SGCZ: variants seen among roughly 807,000 people sequenced by gnomAD.
The protein encoded by SGCZ is zeta-sarcoglycan.
A neutral mutation model predicts 41.3 loss-of-function variants in SGCZ; 40 were observed. The observed-to-expected ratio is 0.97, with a 90% CI of 0.75 to 1.26. The LOEUF is 1.26. Among genes scored for constraint, SGCZ ranks in the 50% most tolerant of loss-of-function variants. The probability of loss-of-function intolerance (pLI) is 0.00; values close to 1 mark genes in which losing one functional copy is unlikely to be tolerated. For synonymous variants in SGCZ, 206 were observed against 137.5 expected (o/e 1.50, Z -3.49); for missense variants, 552 against 369.8 (o/e 1.49, Z -4.04).
intron 2 of SGCZ, among the ~76,000 whole-genome samples, chr8:14,349,271 T>G (rs745556345): frequency 6.6e-6 from 1 of 152,158 alleles, no homozygotes; most frequent in Non-Finnish European, 1.5e-5. Context: ...CAATTCCCTT[T>G]TTCTCCCAAC....
At chr8:14,601,482 T>C (rs1805587408) in intron 1 of SGCZ, among the ~76,000 whole-genome samples, 1 of 152,126 alleles carries the variant, frequency 6.6e-6, no homozygotes, top group Non-Finnish European at 1.5e-5. Context: ...AAAATAAATA[T>C]TCAAAAGAAT....
chr8:14,583,471 T>C (rs1207541038), intron 1 of SGCZ, among the ~76,000 whole-genome samples: 2 of 152,078 alleles, frequency 1.3e-5, no homozygotes, highest in African/African-American at 2.4e-5. Context: ...TTCACTCTGA[T>C]GGTAGTTTCT....
intron 2 of SGCZ, among the ~76,000 whole-genome samples, chr8:14,489,370 TC>T (rs1482057777): frequency 6.6e-6 from 1 of 151,996 alleles, no homozygotes; most frequent in Non-Finnish European, 1.5e-5. Flanking sequence ...TTAAGGACGT[TC>T]TTTCTTCTTA....
chr8:14,441,318 C>A (rs761563593), intron 2 of SGCZ, among the ~76,000 whole-genome samples: 1 of 152,100 alleles, frequency 6.6e-6, no homozygotes, highest in Non-Finnish European at 1.5e-5. Context: ...GGCTCACGCC[C>A]GTAATCCCAG....
intron 2 of SGCZ, among the ~76,000 whole-genome samples, chr8:14,477,744 C>T (rs916562765): frequency 8.5e-5 from 13 of 152,130 alleles, no homozygotes; most frequent in Admixed American, 7.2e-4. Flanking sequence ...TAAGTTCACA[C>T]ATGTAAAAGA....
intron 2 of SGCZ, among the ~76,000 whole-genome samples, chr8:14,477,251 G>T (rs1470604519): frequency 6.6e-6 from 1 of 151,990 alleles, no homozygotes; most frequent in Admixed American, 6.6e-5. Context: ...TATTAATAAG[G>T]AGAAGGCTGT....
chr8:14,450,296 A>G (rs1158186893), intron 2 of SGCZ, among the ~76,000 whole-genome samples: 1 of 150,468 alleles, frequency 6.6e-6, no homozygotes. Flanking sequence ...AAACACTCTC[A>G]TGAATTCCTA....
intron 3 of SGCZ, among the ~76,000 whole-genome samples, chr8:14,262,677 A>G (rs1256244671): frequency 6.6e-6 from 1 of 151,942 alleles, no homozygotes; most frequent in Non-Finnish European, 1.5e-5. Context: ...ATCGAGCTTT[A>G]AAACTTCAAG....
intron 2 of SGCZ, among the ~76,000 whole-genome samples, chr8:14,484,999 T>G (rs1402456764): frequency 2.0e-5 from 3 of 152,200 alleles, no homozygotes; most frequent in Non-Finnish European, 4.4e-5. Context: ...GCTCACACAC[T>G]GTAAGTATTT....
intron 4 of SGCZ, among the ~76,000 whole-genome samples, chr8:14,179,411 G>T (rs139058867): frequency 6.6e-6 from 1 of 152,082 alleles, no homozygotes; most frequent in Non-Finnish European, 1.5e-5. Flanking sequence ...AGACCAGTTC[G>T]CCTTTGCTTA....
chr8:14,645,748 T>G (rs1807193037), intron 1 of SGCZ, among the ~76,000 whole-genome samples: 1 of 151,576 alleles, frequency 6.6e-6, no homozygotes, highest in Non-Finnish European at 1.5e-5. Flanking sequence ...TTGTAAATTT[T>G]TACGTAGTAA....
intron 1 of SGCZ, among the ~76,000 whole-genome samples, chr8:14,995,375 G>C (rs537794674): frequency 2.5e-4 from 38 of 152,322 alleles, no homozygotes; most frequent in African/African-American, 9.1e-4. Flanking sequence ...TCCATTAATG[G>C]TTGGTTAGGT....
chr8:15,114,097 G>C (rs867560057), intron 1 of SGCZ, among the ~76,000 whole-genome samples: 3 of 152,208 alleles, frequency 2.0e-5, no homozygotes, highest in Middle Eastern at 3.4e-3. Context: ...CATTTAATTT[G>C]CTTAATTCTA....
At chr8:14,834,943 A>G (rs1031661435) in intron 1 of SGCZ, among the ~76,000 whole-genome samples, 8 of 152,196 alleles carry the variant, frequency 5.3e-5, no homozygotes, top group Non-Finnish European at 8.8e-5. Flanking sequence ...GAACTACGAT[A>G]ATGCAACAGA....
At chr8:14,213,443 A>G (rs1345541266) in intron 4 of SGCZ, among the ~76,000 whole-genome samples, 1 of 152,150 alleles carries the variant, frequency 6.6e-6, no homozygotes, top group Non-Finnish European at 1.5e-5. Context: ...CAATTTCTAT[A>G]TTTGGTAAAA....
intron 2 of SGCZ, among the ~76,000 whole-genome samples, chr8:14,537,429 G>C (rs905175464): frequency 6.6e-6 from 1 of 151,890 alleles, no homozygotes; most frequent in Non-Finnish European, 1.5e-5. Flanking sequence ...AAACAAGACA[G>C]AGAAAAATAA....
At chr8:14,509,745 C>G (rs944454426) in intron 2 of SGCZ, among the ~76,000 whole-genome samples, 2 of 152,102 alleles carry the variant, frequency 1.3e-5, no homozygotes, top group Non-Finnish European at 2.9e-5. Flanking sequence ...GTTTAATCGA[C>G]TCACAGTTCC....
At chr8:14,755,567 G>A (rs781619290) in intron 1 of SGCZ, among the ~76,000 whole-genome samples, 1 of 152,132 alleles carries the variant, frequency 6.6e-6, no homozygotes, top group Non-Finnish European at 1.5e-5. Context: ...CAATTTCTGT[G>A]AGTAATGACC....
chr8:14,758,383 A>C (rs1451271815), intron 1 of SGCZ, among the ~76,000 whole-genome samples: 1 of 152,144 alleles, frequency 6.6e-6, no homozygotes, highest in African/African-American at 2.4e-5. Flanking sequence ...TTTTTAACCA[A>C]GTCAGCTTCT....
Sources: allele counts gnomAD v4.1 joint callset (sites outside exome capture counted in the v4.1 genomes callset), GRCh38; gene constraint gnomAD v4.1.1; transcripts MANE v1.5; gene names NCBI Gene and HGNC (gene_info 2026-07-23, HGNC 2026-07-21).